Variants in DNAH9 observed in about 807,000 individuals in gnomAD.
DNAH9 encodes the protein DNAH9 variant protein.
Under a neutral mutation model 471.6 loss-of-function variants are expected in DNAH9, and 345 were observed. The observed-to-expected ratio is 0.73, with a 90% CI of 0.67 to 0.80. The LOEUF is 0.80. DNAH9 is among the 30% of genes least tolerant of loss of function. The pLI, the probability that DNAH9 is intolerant of heterozygous loss-of-function variation, is 0.00. For synonymous variants in DNAH9, 2,093 were observed against 2,123.6 expected (o/e 0.99, Z 0.40); for missense variants, 5,407 against 5,609.2 (o/e 0.96, Z 1.15).
chr17:11,646,932 T>C (rs2073404595), intron 11 of DNAH9, 140 bp from the exon 12 acceptor site: 3 of 674,084 alleles, frequency 4.5e-6, no homozygotes, highest in Non-Finnish European at 2.4e-6. Context: ...AGAAAGAAAT[T>C]TGTGGTTACT....
At chr17:11,777,298 C>T (rs1371348956) in intron 38 of DNAH9, among the ~76,000 whole-genome samples, 1 of 152,226 alleles carries the variant, frequency 6.6e-6, no homozygotes, top group African/African-American at 2.4e-5. Context: ...TCCTACATTA[C>T]TAGTGTAATT....
At chr17:11,704,087 A>G in intron 24 of DNAH9, 116 bp from the exon 25 acceptor site, 3 of 1,132,164 alleles carry the variant, frequency 2.6e-6, no homozygotes, top group Non-Finnish European at 2.6e-6. Context: ...TGGAAGAGGG[A>G]GGGATGGGGC....
At position 11,691,826 on chromosome 17, in the gene DNAH9, C is replaced by T. The variant is rs1006207612; in HGVS notation, c.4614+1390C>T. ...GTTTGTTTTTGTTTTTGTTTTGAGA[C>T]GGAGTCTTGCTCTGTCACCCAGGCT... On this transcript the variant is annotated intron_variant, in intron 20 of 68. Transcript: ENST00000262442. Among the ~76,000 whole-genome samples, 99 of 151,994 alleles carry T rather than the reference C, an allele frequency of 6.5e-4. 1 individual carries two copies. Among genetic ancestry groups the T allele is most frequent in the African/African-American group, 3.4e-4 (14 of 41,348 alleles).
At chr17:11,912,181 C>A (rs1188966704) in intron 61 of DNAH9, among the ~76,000 whole-genome samples, 1 of 152,150 alleles carries the variant, frequency 6.6e-6, no homozygotes, top group Non-Finnish European at 1.5e-5. Context: ...CCATGTCCAG[C>A]TAATTTTTGT....
At chr17:11,919,250 C>T (rs1220343347) in intron 61 of DNAH9, among the ~76,000 whole-genome samples, 1 of 151,988 alleles carries the variant, frequency 6.6e-6, no homozygotes, top group East Asian at 1.9e-4. Context: ...AATCCCAGCA[C>T]TTTAGGAGGC....
Position 11,815,942 on chromosome 17 carries a change from T to C in DNAH9, c.8707+5573T>C, listed in dbSNP as rs149146620. On this transcript the variant is annotated intron_variant, in intron 45 of 68. Transcript: ENST00000262442. ...ATCTTGTGATCTAGTGATTCCTAAT[T>C]CCTTAAGGTAACACACTGTGCTACT... Among the ~76,000 whole-genome samples the C allele has an allele frequency of 3.7e-3, 560 of 152,284 alleles. 2 individuals are homozygous for C. Among genetic ancestry groups the C allele is most frequent in the African/African-American group, 0.013 (540 of 41,548 alleles).
Position 11,790,841 on chromosome 17 carries a change from A to G in DNAH9, c.8062-2662A>G, listed in dbSNP as rs898705492. Among the ~76,000 whole-genome samples, 3 of 152,132 alleles carry G rather than the reference A, an allele frequency of 2.0e-5. No individual in the cohort carries two copies. The East Asian group carries it at 5.8e-4, about 29-fold the overall frequency. ...TGCTATTCATCTAATGGTTACCAAAAGCATCATTTTATCTTTTTGTCTTTT... is the reference window on the plus strand; with the variant it reads ...TGCTATTCATCTAATGGTTACCAAAGGCATCATTTTATCTTTTTGTCTTTT... On this transcript the variant is annotated intron_variant, in intron 41 of 68. Transcript: ENST00000262442.
In DNAH9 at chr17:11,693,896, T is replaced by C. The variant is rs1313496255; in HGVS notation, c.4643T>C (p.Ile1548Thr). ...QDSKRFEGID[I>T]DFKELAYDAQ... is the part of the protein sequence containing the mutation. Reference sequence around the variant, plus strand: ...TCTAAAAGGTTTGAAGGCATCGACATTGACTTTAAAGAGCTAGCTTATGAT... The same window carrying C: ...TCTAAAAGGTTTGAAGGCATCGACACTGACTTTAAAGAGCTAGCTTATGAT... Residue 1548 changes from isoleucine (I) to threonine (T), a missense_variant, in exon 21 of 69, where the codon ATT becomes ACT. By Grantham distance (89) the Ile-to-Thr change is moderately conservative. Coordinates refer to ENST00000262442, the MANE Select transcript of DNAH9 (RefSeq NM_001372.4). The C allele has an allele frequency of 3.0e-5, 49 of 1,614,086 alleles. No individual in the cohort carries two copies. The highest frequency in any genetic ancestry group is 4.1e-5 in the Non-Finnish European group (48 of 1,179,972).
chr17:11,749,202 AGCCTCCCGAGTAGCTG>A (rs1967046670), intron 32 of DNAH9, among the ~76,000 whole-genome samples: 2 of 150,206 alleles, frequency 1.3e-5, no homozygotes, highest in Admixed American at 6.7e-5. Flanking sequence ...CTTCTGCCTC[AGCCTCCCGAGTAGCTG>A]GGACTACAGG....
rs1313571257 is a variant in DNAH9 at position 11,937,296 on chromosome 17, G to A, written c.12490-56G>A. On this transcript the variant is annotated intron_variant, in intron 65 of 68. Transcript: ENST00000262442. The surrounding 1 kb of genome is among the most constrained non-coding windows in gnomAD (Gnocchi z 4.1). ...TCCCTGCAGAGGACAAGCCGGTGTG[G>A]GAGATGGGAGGTACGTCCTGGTTTC... 2 of 1,552,960 alleles carry A rather than the reference G, an allele frequency of 1.3e-6. No homozygotes were observed. The highest frequency in any genetic ancestry group is 3.6e-5 in the Admixed American group (2 of 54,912).
rs184490838 is a variant in DNAH9, at chr17:11,890,826, A to G, written c.11113-951A>G. On this transcript the variant is annotated intron_variant, in intron 57 of 68. Coordinates refer to ENST00000262442, the MANE Select transcript of DNAH9 (RefSeq NM_001372.4). ...CGCTTCAGCTTCCCAAGTAGCTAGA[A>G]CTACAGGTGTGTGTCACCATGCCCG... Among the ~76,000 whole-genome samples, 272 of 152,202 alleles carry G rather than the reference A, an allele frequency of 1.8e-3. 2 individuals carry two copies. The highest frequency in any genetic ancestry group is 3.1e-3 in the Non-Finnish European group (213 of 68,002).
At chr17:11,671,733 C>T (rs2073975824) in intron 17 of DNAH9, among the ~76,000 whole-genome samples, 1 of 152,158 alleles carries the variant, frequency 6.6e-6, no homozygotes, top group Non-Finnish European at 1.5e-5. Context: ...TTTCTAAGAC[C>T]CCGATGTGAA....
chr17:11,787,545 CTGT>C lies in DNAH9; in HGVS notation c.8061+3011_8061+3013del, dbSNP rs1968916519. ...GGAGACAGGCACTGCCCAGAGAACACTGTTGTTTTCCTTTATCTGGCTTGATCC... is the reference window on the plus strand; with the variant it reads ...GGAGACAGGCACTGCCCAGAGAACACTGTTTTCCTTTATCTGGCTTGATCC... On this transcript the variant is annotated intron_variant, in intron 41 of 68. Transcript: ENST00000262442. Among the ~76,000 whole-genome samples the C allele has an allele frequency of 4.6e-5, 7 of 152,320 alleles. No individual in the cohort carries two copies. The South Asian group carries it at 1.5e-3, about 32-fold the overall frequency.
rs773842478 is a variant in DNAH9, at chr17:11,805,523, C to CTTT, written c.8421-2169_8421-2167dup. Among the ~76,000 whole-genome samples the CTTT allele has an allele frequency of 3.7e-3, 192 of 52,092 alleles. 43 individuals carry two copies. The highest frequency in any genetic ancestry group is 6.2e-3 in the East Asian group (6 of 972). 34.2% of individuals were successfully genotyped at this position (52,092 alleles called of 152,430 possible). On this transcript the variant is annotated intron_variant, in intron 43 of 68. Coordinates refer to ENST00000262442, the MANE Select transcript of DNAH9 (RefSeq NM_001372.4). ...TATTTGGCCAAACTTTACCCGAGTT[C>CTTT]TTTTTTTTTTTTTTTTTTTTTTTTT...
At chr17:11,796,760 C>G (rs1597659179) in intron 42 of DNAH9, among the ~76,000 whole-genome samples, 1 of 152,332 alleles carries the variant, frequency 6.6e-6, no homozygotes, top group Non-Finnish European at 1.5e-5. Flanking sequence ...CCTCGACAAC[C>G]TTTCCTCTAT....
intron 28 of DNAH9, among the ~76,000 whole-genome samples, chr17:11,736,595 G>A (rs1430874502): frequency 6.6e-6 from 1 of 152,156 alleles, no homozygotes; most frequent in Non-Finnish European, 1.5e-5. Context: ...TCTGCGGACC[G>A]CAGTTGCTGC....
At chr17:11,773,151 G>A (rs1482861868) in intron 38 of DNAH9, among the ~76,000 whole-genome samples, 1 of 152,196 alleles carries the variant, frequency 6.6e-6, no homozygotes, top group Admixed American at 6.5e-5. Context: ...GAGGCAAACT[G>A]TTGCACCTCC....
chr17:11,636,545 T>C (rs2073170298), intron 8 of DNAH9, 89 bp from the exon 9 acceptor site: 1 of 1,052,222 alleles, frequency 9.5e-7, no homozygotes, highest in African/African-American at 1.6e-5. Flanking sequence ...GGTAGGCATA[T>C]AAAGGAAAAC....
chr17:11,823,403 G>T (rs1176293951), intron 48 of DNAH9, among the ~76,000 whole-genome samples: 1 of 152,070 alleles, frequency 6.6e-6, no homozygotes, highest in Non-Finnish European at 1.5e-5. Context: ...CTTCCTCTTT[G>T]CAATTTCTTC....
Sources: gnomAD v4.1 joint callset for allele counts (sites outside exome capture counted in the v4.1 genomes callset) on GRCh38, gnomAD v4.1.1 for gene constraint, Gnocchi (gnomAD v3.1) non-coding constraint, MANE v1.5 for transcripts, NCBI Gene and HGNC (gene_info 2026-07-23, HGNC 2026-07-21) for gene names.